The following PCBP3 variants were observed in gnomAD, a reference collection of about 807,000 sequenced individuals.
The protein encoded by PCBP3 is poly(rC) binding protein 3, also known as poly(rC)-binding protein 3.
A neutral mutation model predicts 52.7 loss-of-function variants in PCBP3; 25 were observed. The ratio of observed to expected loss-of-function variants is 0.47; its 90% CI spans 0.35 to 0.66. PCBP3 has a LOEUF of 0.66. Ranked by LOEUF, PCBP3 falls within the 30% of genes least tolerant of loss-of-function variation. PCBP3 has a pLI of 0.01. For synonymous variants in PCBP3, 162 were observed against 183.0 expected (o/e 0.89, Z 0.93); for missense variants, 391 against 490.3 (o/e 0.80, Z 1.91).
intron 17 of PCBP3, 96 bp from the exon 18 acceptor site, chr21:45,941,574 C>A: frequency 8.8e-7 from 1 of 1,140,838 alleles, no homozygotes; most frequent in South Asian, 1.5e-5. Context: ...CCTGTCCCAG[C>A]GAGCACAGAG....
intron 2 of PCBP3, chr21:45,728,891 G>A (rs1281168698): frequency 1.3e-5 from 2 of 151,968 alleles, no homozygotes; most frequent in Admixed American, 6.5e-5. Context: ...TATTTATTGA[G>A]GTGAAATTCA....
intron 13 of PCBP3, among the ~76,000 whole-genome samples, chr21:45,923,766 T>G (rs1339100454): frequency 6.6e-6 from 1 of 151,850 alleles, no homozygotes; most frequent in East Asian, 1.9e-4. Context: ...ACAAATAAAC[T>G]CGACCTGGAA....
chr21:45,917,566 C>A lies in PCBP3; in HGVS notation c.676-22C>A. 1.2e-6 allele frequency: 2 copies of A among 1,607,316 alleles called. No individual in the cohort carries two copies. Among genetic ancestry groups the A allele is most frequent in the Non-Finnish European group, 8.5e-7 (1 of 1,174,668 alleles). ...GTGGTGCAGCCAGGTTGCAGTCTGA[C>A]GGGGTCTCTCTCTCTCTCTAGGCCT... is the stretch of plus-strand genomic sequence containing the variant. On this transcript the variant is annotated intron_variant, in intron 12 of 17. Transcript: ENST00000681687. This position sits in a 1 kb window ranked among gnomAD's most constrained non-coding sequence, Gnocchi z 5.3.
intron 9 of PCBP3, among the ~76,000 whole-genome samples, chr21:45,907,881 G>A (rs1051652034): frequency 2.7e-5 from 4 of 149,712 alleles, no homozygotes; most frequent in Non-Finnish European, 5.9e-5. Flanking sequence ...GGCAGGGGCA[G>A]TGGGAGGAAA....
intron 2 of PCBP3, among the ~76,000 whole-genome samples, chr21:45,689,400 A>G (rs2082334676): frequency 6.6e-6 from 1 of 152,100 alleles, no homozygotes; most frequent in Admixed American, 6.5e-5. Flanking sequence ...TTGATGATAA[A>G]AAAAATTTTA....
Position 45,741,192 on chromosome 21 carries a change from G to A in PCBP3, c.-162+5763G>A, listed in dbSNP as rs1178202277. Reference sequence around the variant, plus strand: ...CTGGGGCGTGGCTCCAAGAAGGGCTGGAGGGTGATGTCGGGATGAGTGGGT... The same window carrying A: ...CTGGGGCGTGGCTCCAAGAAGGGCTAGAGGGTGATGTCGGGATGAGTGGGT... On this transcript the variant is annotated intron_variant, in intron 3 of 17. Transcript: ENST00000681687. This position sits in a 1 kb window ranked among gnomAD's most constrained non-coding sequence, Gnocchi z 4.5. Among the ~76,000 whole-genome samples, 1 of 152,212 alleles carries A rather than the reference G, an allele frequency of 6.6e-6. No homozygotes were observed. Among genetic ancestry groups the A allele is most frequent in the Non-Finnish European group, 1.5e-5 (1 of 68,024 alleles).
chr21:45,768,020 G>T (rs555746029), intron 4 of PCBP3, among the ~76,000 whole-genome samples: 1 of 152,264 alleles, frequency 6.6e-6, no homozygotes, highest in Non-Finnish European at 1.5e-5. Context: ...CACTACCCAC[G>T]TTGGCCACAG....
chr21:45,727,160 A>G (rs952336689), intron 2 of PCBP3, among the ~76,000 whole-genome samples: 4 of 152,218 alleles, frequency 2.6e-5, no homozygotes, highest in African/African-American at 7.2e-5. Context: ...TTTGACTATT[A>G]CATTTAAGTC....
chr21:45,721,324 A>G (rs1000050760), intron 2 of PCBP3, among the ~76,000 whole-genome samples: 1 of 151,202 alleles, frequency 6.6e-6, no homozygotes, highest in Non-Finnish European at 1.5e-5. Flanking sequence ...GAGGCATAAG[A>G]ATCGCTTGAA....
chr21:45,669,803 GTGTA>G (rs58349485), intron 2 of PCBP3, among the ~76,000 whole-genome samples: 1,016 of 54,094 alleles, frequency 0.019, 6 homozygotes, highest in Non-Finnish European at 0.025. Flanking sequence ...GTGTGTGTGT[GTGTA>G]TATATATATA....
At chr21:45,865,357 T>C (rs1481156703) in intron 5 of PCBP3, among the ~76,000 whole-genome samples, 1 of 152,180 alleles carries the variant, frequency 6.6e-6, no homozygotes, top group Non-Finnish European at 1.5e-5. Context: ...GGAGAATGCG[T>C]ACCGCTATCT....
At chr21:45,661,541 T>C (rs2080390917) in intron 1 of PCBP3, among the ~76,000 whole-genome samples, 1 of 152,272 alleles carries the variant, frequency 6.6e-6, no homozygotes, top group Non-Finnish European at 1.5e-5. Flanking sequence ...TACATTTTCT[T>C]TATCCAGTCA....
intron 4 of PCBP3, among the ~76,000 whole-genome samples, chr21:45,799,560 C>A (rs994819921): frequency 2.6e-5 from 4 of 152,156 alleles, no homozygotes; most frequent in Non-Finnish European, 4.4e-5. Context: ...ACGTACCCCT[C>A]TTGGATAAGG....
At chr21:45,775,873 T>C (rs146585184) in intron 4 of PCBP3, among the ~76,000 whole-genome samples, 14 of 152,362 alleles carry the variant, frequency 9.2e-5, no homozygotes, top group African/African-American at 3.4e-4. Context: ...TCTCTTCTGC[T>C]AATTTGGGGT....
At chr21:45,847,973 G>C (rs140421497) in intron 4 of PCBP3, among the ~76,000 whole-genome samples, 40 of 152,238 alleles carry the variant, frequency 2.6e-4, no homozygotes, top group African/African-American at 9.6e-4. Flanking sequence ...TCTGTATCTG[G>C]CAGCTTCTCT....
intron 3 of PCBP3, chr21:45,751,043 T>A (rs1414565422): frequency 6.6e-6 from 1 of 152,160 alleles, no homozygotes; most frequent in East Asian, 1.9e-4. Flanking sequence ...CTGGAGCCAC[T>A]TCTGCACATC....
chr21:45,884,536 T>C (rs1429569417), intron 5 of PCBP3, among the ~76,000 whole-genome samples: 1 of 152,102 alleles, frequency 6.6e-6, no homozygotes, highest in African/African-American at 2.4e-5. Flanking sequence ...CATGCACATC[T>C]AAATATACAT....
chr21:45,901,470 C>T (rs2096037334), intron 9 of PCBP3: 1 of 276,270 alleles, frequency 3.6e-6, no homozygotes, highest in Non-Finnish European at 7.2e-6. Flanking sequence ...CCAGCACCTC[C>T]AGCCTCCAGC....
At chr21:45,789,932 G>A (rs1416532925) in intron 4 of PCBP3, among the ~76,000 whole-genome samples, 1 of 152,188 alleles carries the variant, frequency 6.6e-6, no homozygotes, top group Non-Finnish European at 1.5e-5. Flanking sequence ...GAGGTCAGGA[G>A]ATGGAGACCA....
Sources: gnomAD v4.1 joint callset for allele counts (sites outside exome capture counted in the v4.1 genomes callset) on GRCh38, gnomAD v4.1.1 for gene constraint, Gnocchi (gnomAD v3.1) non-coding constraint, MANE v1.5 for transcripts, NCBI Gene and HGNC (gene_info 2026-07-23, HGNC 2026-07-21) for gene names.